DCHS2: variants seen among roughly 807,000 people sequenced by gnomAD.
DCHS2 encodes protocadherin-23.
Under a neutral mutation model 182.4 loss-of-function variants are expected in DCHS2, and 142 were observed. That is an observed-to-expected ratio of 0.78 (90% CI 0.68 to 0.89). DCHS2 has a LOEUF of 0.89. Among genes scored for constraint, DCHS2 ranks in the 40% least tolerant of loss-of-function variants. The probability of loss-of-function intolerance (pLI) is 0.00; values close to 1 mark genes in which losing one functional copy is unlikely to be tolerated. For synonymous variants in DCHS2, 1,740 were observed against 1,663.3 expected (o/e 1.05, Z -1.12); for missense variants, 4,319 against 4,198.6 (o/e 1.03, Z -0.79).
At chr4:154,427,626 T>C (rs1040785310) in intron 1 of DCHS2, among the ~76,000 whole-genome samples, 1 of 152,210 alleles carries the variant, frequency 6.6e-6, no homozygotes, top group African/African-American at 2.4e-5. Flanking sequence ...AGTTATGTCT[T>C]GAAAGATGGG....
At chr4:154,316,294 A>T (rs1735853491) in intron 9 of DCHS2, among the ~76,000 whole-genome samples, 1 of 152,206 alleles carries the variant, frequency 6.6e-6, no homozygotes, top group Non-Finnish European at 1.5e-5. Context: ...CCTCCCTTTT[A>T]AAAAATATCT....
At chr4:154,351,591 C>A (rs1012992848) in intron 3 of DCHS2, among the ~76,000 whole-genome samples, 2 of 152,096 alleles carry the variant, frequency 1.3e-5, no homozygotes, top group East Asian at 1.9e-4. Context: ...TGATCCTCAA[C>A]CTTTTTGGTA....
rs1318855679 is a variant in DCHS2, at chr4:154,245,376, T to C, written c.6942-2604A>G. 2.0e-5 allele frequency among the ~76,000 whole-genome samples: 3 copies of C among 152,284 alleles called. No homozygotes were observed. The East Asian group carries it at 5.8e-4, about 29-fold the overall frequency. ...GCCTTTTAAATTCAGAGCATTTTTT[T>C]CCTGTTCTATCAACAATGGGAAGCT... is the stretch of plus-strand genomic sequence containing the variant. On this transcript the variant is annotated intron_variant, in intron 16 of 19. Transcript: ENST00000357232.
intron 1 of DCHS2, among the ~76,000 whole-genome samples, chr4:154,424,394 G>T (rs1024435309): frequency 2.0e-5 from 3 of 152,174 alleles, no homozygotes; most frequent in African/African-American, 4.8e-5. Context: ...TTGTCTTTAT[G>T]CAGTGATTAG....
At chr4:154,403,277 G>A (rs1732266204) in intron 1 of DCHS2, among the ~76,000 whole-genome samples, 1 of 152,110 alleles carries the variant, frequency 6.6e-6, no homozygotes, top group African/African-American at 2.4e-5. Flanking sequence ...TTTCATGTAA[G>A]TATAAAATTA....
intron 1 of DCHS2, among the ~76,000 whole-genome samples, chr4:154,382,597 C>T (rs1431872013): frequency 1.3e-5 from 2 of 152,122 alleles, no homozygotes; most frequent in Non-Finnish European, 2.9e-5. Context: ...AACTATATAT[C>T]TGACAAAGGT....
chr4:154,406,542 G>A (rs905357001), intron 1 of DCHS2, among the ~76,000 whole-genome samples: 2 of 152,182 alleles, frequency 1.3e-5, no homozygotes, highest in African/African-American at 4.8e-5. Flanking sequence ...GTTGTAGCTC[G>A]AAGTGCAAAT....
At chr4:154,368,028 A>G (rs1027902260) in intron 2 of DCHS2, among the ~76,000 whole-genome samples, 3 of 152,202 alleles carry the variant, frequency 2.0e-5, no homozygotes, top group Admixed American at 1.3e-4. Flanking sequence ...TGAGTTGAAT[A>G]AAGTGCCAGA....
chr4:154,235,668 G>GA lies in DCHS2; in HGVS notation c.8983dup (p.Ser2995PhefsTer26), dbSNP rs1731441009. ...TAAAAAGGAGACCACCAGGCTGATT[G>GA]AAAAGCTGCTGGCGAACACTGCCAA... On this transcript the variant is annotated frameshift_variant, in exon 20 of 20. Coordinates refer to ENST00000357232, the MANE Select transcript of DCHS2 (RefSeq NM_001358235.2). LOFTEE classifies it low-confidence loss of function (END_TRUNC). 6.8e-6 allele frequency: 11 copies of GA among 1,613,862 alleles called. No homozygotes were observed. Among genetic ancestry groups the GA allele is most frequent in the African/African-American group, 1.3e-5 (1 of 74,906 alleles).
In DCHS2 at chr4:154,465,440, G is replaced by A. The variant is rs535447449; in HGVS notation, c.2052+23864C>T. Among the ~76,000 whole-genome samples, 5 of 152,242 alleles carry A rather than the reference G, an allele frequency of 3.3e-5. No homozygotes were observed. In the South Asian group the frequency reaches 8.3e-4, roughly 25 times the overall value. On this transcript the variant is annotated intron_variant, in intron 1 of 19. Coordinates refer to ENST00000357232, the MANE Select transcript of DCHS2 (RefSeq NM_001358235.2). ...TCCTAGCAGTTTGGGAGACCAAGGC[G>A]GGTGGGTCACCTGAGGTCGGGAGCT...
chr4:154,432,576 A>C (rs749066417), intron 1 of DCHS2, among the ~76,000 whole-genome samples: 3 of 152,180 alleles, frequency 2.0e-5, no homozygotes, highest in Non-Finnish European at 2.9e-5. Context: ...CGCATGTTAA[A>C]ATAGGCCAGG....
chr4:154,412,202 T>C (rs1732660658), intron 1 of DCHS2, among the ~76,000 whole-genome samples: 1 of 152,194 alleles, frequency 6.6e-6, no homozygotes, highest in Non-Finnish European at 1.5e-5. Context: ...TCCAAGTGAA[T>C]TCTCTCTTGT....
chr4:154,301,545 G>T (rs1735194587), intron 12 of DCHS2, among the ~76,000 whole-genome samples: 1 of 151,572 alleles, frequency 6.6e-6, no homozygotes, highest in Admixed American at 6.6e-5. Flanking sequence ...CGTTCTTGTT[G>T]CCCAGGCTGG....
At chr4:154,294,064 C>T (rs189434709) in intron 13 of DCHS2, among the ~76,000 whole-genome samples, 1 of 152,290 alleles carries the variant, frequency 6.6e-6, no homozygotes, top group African/African-American at 2.4e-5. Flanking sequence ...GGAATACCCA[C>T]TAGGAGCAAA....
intron 13 of DCHS2, among the ~76,000 whole-genome samples, chr4:154,277,163 C>T (rs367698166): frequency 6.6e-6 from 1 of 152,162 alleles, no homozygotes; most frequent in African/African-American, 2.4e-5. Flanking sequence ...TCTTTTCTTA[C>T]TGCCACTCTT....
In DCHS2 at chr4:154,304,728, G is replaced by A. The variant is rs527730270; in HGVS notation, c.5546C>T (p.Thr1849Met). Reference protein sequence around the residue: ...LENQEPEVVYTVLASDMDAGN... With the variant: ...LENQEPEVVYMVLASDMDAGN... ...AGCATCCATATCAGAGGCTAAAACC[G>A]TATAGACAACCTCTGGTTCCTGGTT... Residue 1849 changes from threonine (T) to methionine (M), a missense_variant, in exon 12 of 20, where the codon ACG (threonine) becomes ATG (methionine). Thr to Met is a moderately conservative substitution (Grantham distance 81, BLOSUM62 -1). Coordinates refer to ENST00000357232, the MANE Select transcript of DCHS2 (RefSeq NM_001358235.2). The A allele has an allele frequency of 6.9e-5, 111 of 1,613,886 alleles. 2 individuals carry two copies. The South Asian group carries it at 9.6e-4, about 14-fold the overall frequency.
chr4:154,370,713 T>A (rs1730604753), intron 2 of DCHS2, among the ~76,000 whole-genome samples: 1 of 152,128 alleles, frequency 6.6e-6, no homozygotes, highest in South Asian at 2.1e-4. Flanking sequence ...GTGGATTTGG[T>A]GGTAGGAAGG....
chr4:154,253,122 G>A (rs532924977), intron 16 of DCHS2, among the ~76,000 whole-genome samples: 1 of 151,514 alleles, frequency 6.6e-6, no homozygotes, highest in South Asian at 2.1e-4. Context: ...TGTGGGGAGA[G>A]CCCAGGGAGG....
chr4:154,456,009 G>A (rs10034376), intron 1 of DCHS2, among the ~76,000 whole-genome samples: 75,577 of 151,734 alleles, frequency 0.5, 19,694 homozygotes, highest in East Asian at 0.84. Context: ...AGAATTGCTT[G>A]AACCTGGAAG....
Sources: allele counts gnomAD v4.1 joint callset (sites outside exome capture counted in the v4.1 genomes callset), GRCh38; gene constraint gnomAD v4.1.1; transcripts MANE v1.5; gene names NCBI Gene and HGNC (gene_info 2026-07-23, HGNC 2026-07-21).